Variants in CDH13 observed in about 807,000 individuals in gnomAD.
CDH13 encodes cadherin-13.
CDH13 carries 24 observed loss-of-function variants against 63.8 expected under a neutral mutation model. The observed-to-expected ratio is 0.38, with a 90% CI of 0.27 to 0.53. The LOEUF (loss-of-function observed/expected upper bound fraction) is 0.53. Ranked by LOEUF, CDH13 falls within the 20% of genes least tolerant of loss-of-function variation. The pLI is 0.85. For synonymous variants in CDH13, 503 were observed against 355.3 expected (o/e 1.42, Z -4.67); for missense variants, 1,049 against 903.1 (o/e 1.16, Z -2.07).
chr16:83,246,486 A>C (rs4421965), intron 5 of CDH13, among the ~76,000 whole-genome samples: 2 of 151,824 alleles, frequency 1.3e-5, no homozygotes, highest in Non-Finnish European at 2.9e-5. Flanking sequence ...TAATCCTATC[A>C]TTGGCCTGGC....
intron 10 of CDH13, among the ~76,000 whole-genome samples, chr16:83,742,318 C>A (rs1841121614): frequency 6.6e-6 from 1 of 152,218 alleles, no homozygotes; most frequent in African/African-American, 2.4e-5. Flanking sequence ...AATCAGTTTG[C>A]CTTGCGTCTC....
chr16:83,169,995 A>G (rs1041103650), intron 4 of CDH13, among the ~76,000 whole-genome samples: 11 of 152,076 alleles, frequency 7.2e-5, no homozygotes, highest in African/African-American at 2.7e-4. Context: ...TTTACCCTTC[A>G]AATTAATTTT....
intron 6 of CDH13, among the ~76,000 whole-genome samples, chr16:83,478,488 CA>C (rs1483706819): frequency 1.3e-5 from 2 of 152,130 alleles, no homozygotes; most frequent in Non-Finnish European, 2.9e-5. Flanking sequence ...CTCACATTAT[CA>C]AGCACTTTCT....
intron 6 of CDH13, among the ~76,000 whole-genome samples, chr16:83,436,550 C>A (rs895412180): frequency 3.9e-5 from 6 of 152,156 alleles, no homozygotes; most frequent in Admixed American, 1.3e-4. Flanking sequence ...TTAATGCTTT[C>A]TTCAAAGCAG....
At chr16:83,556,077 CTT>C (rs1207079794) in intron 7 of CDH13, among the ~76,000 whole-genome samples, 1 of 152,178 alleles carries the variant, frequency 6.6e-6, no homozygotes, top group African/African-American at 2.4e-5. Context: ...TACAAAAAGA[CTT>C]AATGAGATAA....
intron 2 of CDH13, among the ~76,000 whole-genome samples, chr16:82,891,152 A>G (rs912592867): frequency 2.6e-5 from 4 of 151,760 alleles, no homozygotes; most frequent in Non-Finnish European, 4.4e-5. Flanking sequence ...TTATGTAGCA[A>G]TGATGTTACT....
intron 7 of CDH13, among the ~76,000 whole-genome samples, chr16:83,536,482 C>T (rs572016142): frequency 1.3e-5 from 2 of 152,138 alleles, no homozygotes; most frequent in South Asian, 2.1e-4. Context: ...AGCAAAGGTC[C>T]TGTGGCCAGT....
intron 5 of CDH13, among the ~76,000 whole-genome samples, chr16:83,271,967 T>C (rs939353779): frequency 6.6e-6 from 1 of 152,214 alleles, no homozygotes; most frequent in African/African-American, 2.4e-5. Context: ...ATCTCACATA[T>C]CATAATGGTA....
At chr16:83,278,238 T>C (rs1453690588) in intron 5 of CDH13, among the ~76,000 whole-genome samples, 1 of 152,212 alleles carries the variant, frequency 6.6e-6, no homozygotes, top group Non-Finnish European at 1.5e-5. Context: ...TTTGTGATCA[T>C]AGATATGACT....
At chr16:83,717,920 C>T (rs754783968) in intron 10 of CDH13, 1 of 152,248 alleles carries the variant, frequency 6.6e-6, no homozygotes, top group Non-Finnish European at 1.5e-5. Context: ...GGAAAAACAA[C>T]TGGAACTAAT....
rs117422626 is a variant in CDH13 at position 83,020,896 on chromosome 16, T to C, written c.158-11114T>C. Among the ~76,000 whole-genome samples the C allele has an allele frequency of 4.3e-4, 66 of 152,352 alleles. No homozygotes were observed. The East Asian group carries it at 8.5e-3, about 20-fold the overall frequency. ...GCCAGGACACTTTGTCACATGTCCC[T>C]AGACAACCCCAACTGCAAGGCCAAA... On this transcript the variant is annotated intron_variant, in intron 2 of 13. Transcript: ENST00000567109.
intron 3 of CDH13, among the ~76,000 whole-genome samples, chr16:83,052,388 A>G (rs1188304692): frequency 1.3e-5 from 2 of 152,236 alleles, no homozygotes; most frequent in Non-Finnish European, 2.9e-5. Context: ...ATTCCACCAT[A>G]CATGGCAGAA....
At chr16:83,462,002 C>T (rs2073194202) in intron 6 of CDH13, among the ~76,000 whole-genome samples, 1 of 152,238 alleles carries the variant, frequency 6.6e-6, no homozygotes, top group South Asian at 2.1e-4. Flanking sequence ...GGCTCCATGG[C>T]TCCAACATCC....
At chr16:83,664,452 T>G (rs761538897) in intron 8 of CDH13, among the ~76,000 whole-genome samples, 2 of 151,732 alleles carry the variant, frequency 1.3e-5, no homozygotes, top group Non-Finnish European at 2.9e-5. Flanking sequence ...TGTAGAACTC[T>G]GTACTGTATA....
intron 7 of CDH13, among the ~76,000 whole-genome samples, chr16:83,504,734 G>T (rs1422085998): frequency 5.9e-5 from 9 of 152,114 alleles, no homozygotes; most frequent in Admixed American, 5.2e-4. Context: ...CTGGTGTTAG[G>T]GCAGATAATG....
At chr16:82,973,329 C>A (rs896149334) in intron 2 of CDH13, among the ~76,000 whole-genome samples, 1 of 152,176 alleles carries the variant, frequency 6.6e-6, no homozygotes, top group Non-Finnish European at 1.5e-5. Context: ...TCAGGCTTTA[C>A]GATTCAACTT....
intron 2 of CDH13, among the ~76,000 whole-genome samples, chr16:82,963,930 C>A (rs1035157063): frequency 6.6e-6 from 1 of 152,168 alleles, no homozygotes; most frequent in Non-Finnish European, 1.5e-5. Context: ...CACAGTTGGA[C>A]TCAGCAGTGC....
intron 2 of CDH13, among the ~76,000 whole-genome samples, chr16:82,906,313 T>G (rs937709258): frequency 2.0e-5 from 3 of 152,154 alleles, no homozygotes; most frequent in Non-Finnish European, 4.4e-5. Flanking sequence ...ATGATGAGGA[T>G]TCCTTTAACA....
chr16:83,526,401 G>A (rs1202851211), intron 7 of CDH13, among the ~76,000 whole-genome samples: 1 of 152,166 alleles, frequency 6.6e-6, no homozygotes, highest in Non-Finnish European at 1.5e-5. Flanking sequence ...GATGGTTTCC[G>A]GATGAAACTG....
Sources: gnomAD v4.1 joint callset for allele counts (sites outside exome capture counted in the v4.1 genomes callset) on GRCh38, gnomAD v4.1.1 for gene constraint, MANE v1.5 for transcripts, NCBI Gene and HGNC (gene_info 2026-07-23, HGNC 2026-07-21) for gene names.